The following NLRP2 variants were observed in gnomAD, a reference collection of about 807,000 sequenced individuals.
NLRP2 encodes the protein NACHT, LRR and PYD domains-containing protein 2.
NLRP2 carries 107 observed loss-of-function variants against 97.2 expected under a neutral mutation model. The observed-to-expected ratio is 1.10, with a 90% CI of 0.94 to 1.29. NLRP2 has a LOEUF of 1.29. Ranked by LOEUF, NLRP2 falls within the 50% of genes most tolerant of loss-of-function variation. The pLI is 0.00. For missense variants in NLRP2, 1,495 were observed against 1,330.3 expected (o/e 1.12, Z -1.93); for synonymous variants, 663 against 551.5 (o/e 1.20, Z -2.83).
At position 54,982,512 on chromosome 19, in the gene NLRP2, G is replaced by C. The variant is rs955842758; in HGVS notation, c.814G>C (p.Asp272His). 2.5e-6 allele frequency: 4 copies of C among 1,614,084 alleles called. No homozygotes were observed. The highest frequency in any genetic ancestry group is 3.4e-6 in the Non-Finnish European group (4 of 1,180,036). ...CAGGGACTGGCCTGAATTGCAGGATGACATTCCACACATCCTAGCCCAAGC... is the reference window on the plus strand; with the variant it reads ...CAGGGACTGGCCTGAATTGCAGGATCACATTCCACACATCCTAGCCCAAGC... ...VFRDWPELQD[D>H]IPHILAQARK... is the part of the protein sequence containing the mutation. The change falls in exon 6 of 13, where the codon GAC (aspartate) becomes CAC (histidine). Residue 272 changes from aspartate (D) to histidine (H), a missense_variant. Physicochemically the swap from Asp to His is moderately conservative, Grantham distance 81. Coordinates refer to ENST00000448584, the MANE Select transcript of NLRP2 (RefSeq NM_017852.5).
intron 10 of NLRP2, among the ~76,000 whole-genome samples, chr19:54,992,856 C>A (rs564173097): frequency 3.2e-4 from 48 of 151,908 alleles, no homozygotes; most frequent in Non-Finnish European, 5.4e-4. Context: ...ACCGTGCCGG[C>A]CCCCTCAATT....
chr19:54,974,746 A>G (rs1192715861), intron 3 of NLRP2, among the ~76,000 whole-genome samples: 1 of 152,198 alleles, frequency 6.6e-6, no homozygotes, highest in Non-Finnish European at 1.5e-5. Context: ...TTGGAAATCT[A>G]TAAATACATA....
chr19:54,984,684 T>C (rs138123065), intron 6 of NLRP2, among the ~76,000 whole-genome samples: 380 of 151,674 alleles, frequency 2.5e-3, no homozygotes, highest in Non-Finnish European at 4.3e-3. Context: ...GGTTTCACCA[T>C]GTTGGCCAGG....
chr19:54,992,155 G>A (rs983686694), intron 10 of NLRP2, among the ~76,000 whole-genome samples: 14 of 151,648 alleles, frequency 9.2e-5, no homozygotes, highest in Admixed American at 6.6e-4. Context: ...CTCATGATCC[G>A]CCCGCCTCAG....
chr19:54,975,685 C>G (rs2071185429), intron 3 of NLRP2, among the ~76,000 whole-genome samples: 1 of 152,110 alleles, frequency 6.6e-6, no homozygotes, highest in Middle Eastern at 3.4e-3. Flanking sequence ...ATCTCCTGAC[C>G]TTGTGATCCG....
At chr19:54,976,990 G>A in intron 3 of NLRP2, 1 of 342,114 alleles carries the variant, frequency 2.9e-6, no homozygotes, top group Non-Finnish European at 5.6e-6. Context: ...CTAATTTTTT[G>A]TTTTAGTAGA....
chr19:54,998,707 A>G (rs2073003242), intron 12 of NLRP2, among the ~76,000 whole-genome samples: 2 of 131,864 alleles, frequency 1.5e-5, no homozygotes, highest in Non-Finnish European at 1.6e-5. Flanking sequence ...GTCATAGGAC[A>G]ATAGTGGAGG....
At chr19:54,978,773 G>A (rs1309485629) in intron 4 of NLRP2, among the ~76,000 whole-genome samples, 1 of 151,484 alleles carries the variant, frequency 6.6e-6, no homozygotes, top group Non-Finnish European at 1.5e-5. Context: ...CTTGAACCCG[G>A]GAGGTGGAGG....
In NLRP2 at chr19:54,982,821, G is replaced by A. The variant is rs753026157; in HGVS notation, c.1123G>A (p.Glu375Lys). ...CTATTTCCTGAGACACTTTGGAGAC[G>A]AGGACCAAGCCATGCGTGCCTTTGA... ...RAYFLRHFGD[E>K]DQAMRAFELM... The change falls in exon 6 of 13, where the codon GAG becomes AAG. Residue 375 changes from glutamate (E) to lysine (K), a missense_variant. Glu to Lys is a moderately conservative substitution (Grantham distance 56). Transcript: ENST00000448584. 8.1e-6 allele frequency: 13 copies of A among 1,613,742 alleles called. No homozygotes were observed. Among genetic ancestry groups the A allele is most frequent in the South Asian group, 7.7e-5 (7 of 91,056 alleles).
At position 54,996,164 on chromosome 19, in the gene NLRP2, G is replaced by A. The variant is rs575583066; in HGVS notation, c.2880-1153G>A. On this transcript the variant is annotated intron_variant, in intron 11 of 12. Transcript: ENST00000448584. Reference sequence around the variant, plus strand: ...CAAGGCTGCAGTGAGCCAAGATGGCGTTACCACACTCCAGCCTGGGCAACC... The same window carrying A: ...CAAGGCTGCAGTGAGCCAAGATGGCATTACCACACTCCAGCCTGGGCAACC... Among the ~76,000 whole-genome samples, 43 of 152,110 alleles carry A rather than the reference G, an allele frequency of 2.8e-4. No homozygotes were observed. In the South Asian group the frequency reaches 5.2e-3, roughly 18 times the overall value.
intron 1 of NLRP2, among the ~76,000 whole-genome samples, 162 bp from the exon 2 acceptor site, chr19:54,969,837 A>G (rs908400575): frequency 6.6e-6 from 1 of 152,076 alleles, no homozygotes; most frequent in Admixed American, 6.6e-5. Context: ...CTTATTTTTC[A>G]TGGAGATGGG....
intron 11 of NLRP2, 120 bp downstream of exon 11, chr19:54,994,559 C>T (rs555311667): frequency 1.1e-5 from 11 of 1,022,336 alleles, no homozygotes; most frequent in African/African-American, 6.3e-5. Context: ...TTTATAGAGT[C>T]GATCGAGCAT....
chr19:54,967,411 A>G (rs269906), intron 1 of NLRP2, among the ~76,000 whole-genome samples: 152,135 of 152,204 alleles, frequency 1, 76,033 homozygotes, highest in Middle Eastern at 1. Context: ...GAACCCGGGA[A>G]GCGGAGGTTG....
At chr19:54,979,688 G>A (rs1335624960) in intron 4 of NLRP2, among the ~76,000 whole-genome samples, 1 of 152,110 alleles carries the variant, frequency 6.6e-6, no homozygotes, top group Non-Finnish European at 1.5e-5. Context: ...TTCTTGCTAT[G>A]GCTCTGTATA....
intron 2 of NLRP2, chr19:54,973,685 A>T: frequency 2.6e-6 from 1 of 380,840 alleles, no homozygotes; most frequent in Non-Finnish European, 5.1e-6. Flanking sequence ...AGGGTTTTTA[A>T]CTTTAGCTGA....
chr19:54,971,846 T>TGA (rs56140018), intron 2 of NLRP2, among the ~76,000 whole-genome samples: 21,045 of 152,068 alleles, frequency 0.14, 1,936 homozygotes, highest in Non-Finnish European at 0.21. Context: ...TAACTCTTCT[T>TGA]GAGAGAGGAT....
intron 11 of NLRP2, among the ~76,000 whole-genome samples, chr19:54,995,078 C>CCGAAGCGGGCGGATCACTTAAGGT (rs1370124128): frequency 4.6e-5 from 7 of 151,060 alleles, no homozygotes; most frequent in African/African-American, 1.7e-4. Flanking sequence ...CTTCGGGAGG[C>CCGAAGCGGGCGGATCACTTAAGGT]CGAAGCGGGC....
Position 54,967,236 on chromosome 19 carries a change from G to A in NLRP2, c.-18+769G>A, listed in dbSNP as rs142781060. On this transcript the variant is annotated intron_variant, in intron 1 of 12. Transcript: ENST00000448584. ...AGTGGCTCACGCCTGTAATCGCAGC[G>A]CTTTGGGAGGCCGAGGCGGGAGGAT... is the stretch of plus-strand genomic sequence containing the variant. 1.3e-3 allele frequency among the ~76,000 whole-genome samples: 205 copies of A among 152,050 alleles called. 1 individual carries two copies. The highest frequency in any genetic ancestry group is 6.8e-3 in the Middle Eastern group (2 of 294).
upstream of NLRP2, among the ~76,000 whole-genome samples, chr19:54,965,576 C>T (rs1172534006): frequency 4.3e-5 from 3 of 70,318 alleles, no homozygotes; most frequent in Admixed American, 1.4e-4. Context: ...CTGCCTCAGC[C>T]TCCCGAGTAG....
Sources: gnomAD v4.1 joint callset for allele counts (sites outside exome capture counted in the v4.1 genomes callset) on GRCh38, gnomAD v4.1.1 for gene constraint, MANE v1.5 for transcripts, NCBI Gene and HGNC (gene_info 2026-07-23, HGNC 2026-07-21) for gene names.